Variants in MAP3K20 observed in about 807,000 individuals in gnomAD.
MAP3K20 encodes the protein mitogen-activated protein kinase kinase kinase 20.
A neutral mutation model predicts 85.7 loss-of-function variants in MAP3K20; 40 were observed. That is an observed-to-expected ratio of 0.47 (90% CI 0.36 to 0.61). The LOEUF is 0.61. Ranked by LOEUF, MAP3K20 falls within the 20% of genes least tolerant of loss-of-function variation. The pLI is 0.00. For missense variants in MAP3K20, 817 were observed against 961.7 expected, an observed-to-expected ratio of 0.85 and a Z score of 1.99; for synonymous variants, 325 against 327.7, an observed-to-expected ratio of 0.99 and a Z score of 0.09.
intron 16 of MAP3K20, among the ~76,000 whole-genome samples, chr2:173,251,438 C>T (rs1248820033): frequency 2.0e-5 from 3 of 152,174 alleles, no homozygotes; most frequent in African/African-American, 7.2e-5. Context: ...TACAAATCTC[C>T]CCATTTTCTG....
intron 2 of MAP3K20, among the ~76,000 whole-genome samples, chr2:173,158,226 T>C (rs536229382): frequency 1.3e-5 from 2 of 152,334 alleles, no homozygotes; most frequent in South Asian, 4.1e-4. Context: ...AGGTACTCAA[T>C]ACATGTTAGC....
chr2:173,141,939 G>A (rs1413471134), intron 2 of MAP3K20, among the ~76,000 whole-genome samples: 2 of 152,084 alleles, frequency 1.3e-5, no homozygotes, highest in African/African-American at 4.8e-5. Flanking sequence ...AAAGAAAAAA[G>A]ATAACTGCCA....
chr2:173,228,367 G>A lies in MAP3K20; in HGVS notation c.988-1322G>A, dbSNP rs72910943. 9.7e-3 allele frequency among the ~76,000 whole-genome samples: 1,480 copies of A among 151,858 alleles called. 10 individuals carry two copies. The highest frequency in any genetic ancestry group is 0.034 in the Middle Eastern group (10 of 294). ...TTTGCCTTGTTGCTTCTCTTTACCC[G>A]GAATCACCTCTCTTCTTGCCCTGAA... On this transcript the variant is annotated intron_variant, in intron 11 of 19. Transcript: ENST00000375213.
intron 17 of MAP3K20, 143 bp downstream of exon 17, chr2:173,258,958 T>G: frequency 2.0e-6 from 1 of 504,050 alleles, no homozygotes; most frequent in Non-Finnish European, 3.5e-6. Flanking sequence ...AGGCACATTT[T>G]ATTTAGCAGA....
chr2:173,101,883 C>T (rs919509638), intron 2 of MAP3K20, among the ~76,000 whole-genome samples: 6 of 152,172 alleles, frequency 3.9e-5, no homozygotes, highest in African/African-American at 1.4e-4. Flanking sequence ...ATGCTTGACT[C>T]ATACTCCCGG....
At chr2:173,242,034 G>A (rs1351015401) in intron 16 of MAP3K20, among the ~76,000 whole-genome samples, 1 of 152,076 alleles carries the variant, frequency 6.6e-6, no homozygotes, top group Non-Finnish European at 1.5e-5. Context: ...CATTTCAATT[G>A]CCTTTTCTGG....
chr2:173,091,421 C>A (rs1174064450), intron 2 of MAP3K20, among the ~76,000 whole-genome samples: 3 of 152,100 alleles, frequency 2.0e-5, no homozygotes, highest in African/African-American at 7.2e-5. Flanking sequence ...GGATTTCTTT[C>A]CAGGGCATGA....
chr2:173,221,106 C>A (rs770372384), intron 11 of MAP3K20: 3 of 1,426,860 alleles, frequency 2.1e-6, no homozygotes, highest in Non-Finnish European at 2.8e-6. Context: ...TTAAATTGGT[C>A]CTAATTTCTC....
At chr2:173,238,629 T>C (rs1684707865) in intron 15 of MAP3K20, among the ~76,000 whole-genome samples, 194 bp downstream of exon 15, 1 of 152,192 alleles carries the variant, frequency 6.6e-6, no homozygotes, top group Non-Finnish European at 1.5e-5. Flanking sequence ...AGTTGAAATA[T>C]TAACAATTTG....
At chr2:173,239,889 C>A (rs1366295733) in intron 16 of MAP3K20, among the ~76,000 whole-genome samples, 1 of 152,086 alleles carries the variant, frequency 6.6e-6, no homozygotes, top group East Asian at 1.9e-4. Flanking sequence ...ATGTGGAGAC[C>A]CAAATTATCA....
intron 14 of MAP3K20, among the ~76,000 whole-genome samples, chr2:173,236,322 G>T (rs1684647706): frequency 6.7e-6 from 1 of 148,958 alleles, no homozygotes; most frequent in Admixed American, 6.7e-5. Context: ...GTCTAAGCTT[G>T]CAGAGAAGCC....
At position 173,205,563 on chromosome 2, in the gene MAP3K20, T is replaced by A. The variant is rs116153392; in HGVS notation, c.744+1693T>A. Among the ~76,000 whole-genome samples, 1,278 of 152,254 alleles carry A rather than the reference T, an allele frequency of 8.4e-3. 17 individuals are homozygous for A. The highest frequency in any genetic ancestry group is 0.029 in the African/African-American group (1,220 of 41,532). ...CAAGGGACCAGTGCCATGAAGCCTG[T>A]TCACTCCACGTGCTCCTTCTTGGCT... On this transcript the variant is annotated intron_variant, in intron 9 of 19. Transcript: ENST00000375213.
chr2:173,144,486 GAAAA>G (rs1380274416), intron 2 of MAP3K20, among the ~76,000 whole-genome samples: 7 of 120,208 alleles, frequency 5.8e-5, no homozygotes, highest in African/African-American at 1.2e-4. Context: ...AAAAAAAAAA[GAAAA>G]GAAAGAAAGA....
Position 173,169,911 on chromosome 2 carries a change from A to G in MAP3K20, c.247+19A>G. ...GTCACAGGTAAGAATTCAGTGTTTG[A>G]CTTCTTTCTTTTTCCAATTACCTAG... On this transcript the variant is annotated intron_variant, in intron 3 of 19. Coordinates refer to ENST00000375213, the MANE Select transcript of MAP3K20 (RefSeq NM_016653.3). 1 of 1,607,166 alleles carries G rather than the reference A, an allele frequency of 6.2e-7. No homozygotes were observed. The highest frequency in any genetic ancestry group is 1.1e-5 in the South Asian group (1 of 90,388).
At chr2:173,223,607 A>T (rs1684309372) in intron 11 of MAP3K20, 1 of 985,242 alleles carries the variant, frequency 1.0e-6, no homozygotes, top group Non-Finnish European at 1.2e-6. Flanking sequence ...ATGTAAGCTA[A>T]ACAGATTTTT....
At position 173,120,701 on chromosome 2, in the gene MAP3K20, C is replaced by CTTTTT. The variant is rs56084110; in HGVS notation, c.159+29531_159+29535dup. On this transcript the variant is annotated intron_variant, in intron 2 of 19. Coordinates refer to ENST00000375213, the MANE Select transcript of MAP3K20 (RefSeq NM_016653.3). Reference sequence around the variant, plus strand: ...ACAGTGATAGGAGTCACTCTCACTTCTTTTTTTTTTTTTTTTTTTTTTTTG... The same window carrying CTTTTT: ...ACAGTGATAGGAGTCACTCTCACTTCTTTTTTTTTTTTTTTTTTTTTTTTTTTTTG... Among the ~76,000 whole-genome samples the CTTTTT allele has an allele frequency of 3.1e-3, 154 of 49,230 alleles. 2 individuals are homozygous for CTTTTT. Among genetic ancestry groups the CTTTTT allele is most frequent in the Non-Finnish European group, 3.8e-3 (117 of 30,994 alleles). 32.3% of individuals were successfully genotyped at this position (49,230 alleles called of 152,430 possible). A position where few individuals can be genotyped will look rare whatever the true frequency, so the allele number is the denominator to read the frequency against.
intron 2 of MAP3K20, among the ~76,000 whole-genome samples, chr2:173,146,776 G>A (rs1375865198): frequency 2.6e-5 from 4 of 152,270 alleles, no homozygotes; most frequent in Non-Finnish European, 5.9e-5. Flanking sequence ...TTAAGTAACT[G>A]TCAGAGGGTT....
chr2:173,211,923 G>C (rs1195744167), intron 10 of MAP3K20: 2 of 151,976 alleles, frequency 1.3e-5, no homozygotes, highest in Middle Eastern at 3.2e-3. Context: ...CAAAAAAAAA[G>C]AAGTAATTCG....
At chr2:173,130,035 C>T (rs978587280) in intron 2 of MAP3K20, among the ~76,000 whole-genome samples, 5 of 152,134 alleles carry the variant, frequency 3.3e-5, no homozygotes, top group African/African-American at 1.2e-4. Context: ...GATATATTTC[C>T]AAAGTGCAGA....
Sources: allele counts gnomAD v4.1 joint callset (sites outside exome capture counted in the v4.1 genomes callset), GRCh38; gene constraint gnomAD v4.1.1; transcripts MANE v1.5; gene names NCBI Gene and HGNC (gene_info 2026-07-23, HGNC 2026-07-21).